Variants in KCNK10 observed in about 807,000 individuals in gnomAD.
KCNK10 encodes potassium channel subfamily K member 10.
KCNK10 carries 25 observed loss-of-function variants against 47.7 expected under a neutral mutation model. That is an observed-to-expected ratio of 0.52 (90% CI 0.38 to 0.73). KCNK10 has a LOEUF of 0.73. KCNK10 is among the 30% of genes least tolerant of loss of function. The probability of loss-of-function intolerance (pLI) is 0.00; values close to 1 mark genes in which losing one functional copy is unlikely to be tolerated. For synonymous variants in KCNK10, 303 were observed against 285.6 expected, an observed-to-expected ratio of 1.06 and a Z score of -0.61; for missense variants, 563 against 714.5, an observed-to-expected ratio of 0.79 and a Z score of 2.42.
chr14:88,272,006 G>A (rs72691982), intron 1 of KCNK10, among the ~76,000 whole-genome samples: 8 of 151,404 alleles, frequency 5.3e-5, no homozygotes, highest in Non-Finnish European at 1.2e-4. Context: ...AGAGGAAGCA[G>A]GGGGAAGGTT....
At chr14:88,239,267 C>T (rs982157531) in intron 3 of KCNK10, among the ~76,000 whole-genome samples, 1 of 150,906 alleles carries the variant, frequency 6.6e-6, no homozygotes, top group Admixed American at 6.6e-5. Flanking sequence ...AAGTGAGATA[C>T]AACTTATATA....
At chr14:88,231,379 G>T (rs907989278) in intron 3 of KCNK10, among the ~76,000 whole-genome samples, 12 of 152,156 alleles carry the variant, frequency 7.9e-5, no homozygotes, top group Admixed American at 5.9e-4. Flanking sequence ...CTTAAATGAG[G>T]CTGCCAGGCT....
At chr14:88,195,408 T>G (rs1884879461) in intron 4 of KCNK10, among the ~76,000 whole-genome samples, 1 of 152,236 alleles carries the variant, frequency 6.6e-6, no homozygotes, top group East Asian at 1.9e-4. Context: ...AACAGGCCAT[T>G]TTAATGTAAA....
chr14:88,235,021 C>T (rs1235649530), intron 3 of KCNK10: 1 of 446,306 alleles, frequency 2.2e-6, no homozygotes, highest in Admixed American at 2.4e-5. Flanking sequence ...AGAGATGTCC[C>T]TGTTTTTACC....
At chr14:88,213,948 ATTATTATTG>A (rs1252538789) in intron 4 of KCNK10, among the ~76,000 whole-genome samples, 4 of 146,028 alleles carry the variant, frequency 2.7e-5, no homozygotes, top group African/African-American at 1.0e-4. Context: ...TATTATTATT[ATTATTATTG>A]AGACAGAGTT....
intron 1 of KCNK10, among the ~76,000 whole-genome samples, chr14:88,292,543 G>C (rs994937353): frequency 6.6e-6 from 1 of 152,174 alleles, no homozygotes; most frequent in East Asian, 1.9e-4. Context: ...TAGAGACGGG[G>C]TTTTACCATT....
At chr14:88,257,845 G>C (rs867235102) in intron 2 of KCNK10, among the ~76,000 whole-genome samples, 34 of 152,094 alleles carry the variant, frequency 2.2e-4, no homozygotes, top group African/African-American at 8.2e-4. Context: ...TGGCTTACAT[G>C]CCTCTTCCTC....
Position 88,300,171 on chromosome 14 carries a change from C to T in KCNK10, c.52+22576G>A, listed in dbSNP as rs1280620170. Among the ~76,000 whole-genome samples the T allele has an allele frequency of 2.0e-5, 3 of 152,286 alleles. 1 individual carries two copies. The East Asian group carries it at 5.8e-4, about 29-fold the overall frequency. ...CTTTCTATCCCTTGAGCAAAACTTG[C>T]AAATATGCACCATCTTACCAGTGCT... On this transcript the variant is annotated intron_variant, in intron 1 of 6. Transcript: ENST00000319231.
intron 3 of KCNK10, among the ~76,000 whole-genome samples, chr14:88,238,428 T>C (rs1886357413): frequency 6.6e-6 from 1 of 152,226 alleles, no homozygotes; most frequent in African/African-American, 2.4e-5. Context: ...TCCAGCACTT[T>C]GGGAGGCCAA....
At chr14:88,187,037 C>G (rs454401) in intron 6 of KCNK10, among the ~76,000 whole-genome samples, 88,331 of 152,084 alleles carry the variant, frequency 0.58, 26,140 homozygotes, top group Non-Finnish European at 0.64. Context: ...ATGTTGTTCC[C>G]TTCTCTTTTG....
At chr14:88,278,188 T>G (rs975835776) in intron 1 of KCNK10, among the ~76,000 whole-genome samples, 3 of 152,078 alleles carry the variant, frequency 2.0e-5, no homozygotes, top group Non-Finnish European at 4.4e-5. Context: ...ACCCAAAATC[T>G]CAGAGAGCAA....
chr14:88,199,184 T>C (rs540802055), intron 4 of KCNK10, among the ~76,000 whole-genome samples: 1 of 152,226 alleles, frequency 6.6e-6, no homozygotes, highest in African/African-American at 2.4e-5. Context: ...TCTGCCAAAG[T>C]GCTGGGATTA....
chr14:88,216,044 A>G (rs763828833), intron 4 of KCNK10, among the ~76,000 whole-genome samples: 1 of 152,190 alleles, frequency 6.6e-6, no homozygotes, highest in Admixed American at 6.5e-5. Context: ...TAGTGCTGAG[A>G]TGGTTTGCCT....
chr14:88,279,132 G>A (rs1887590206), intron 1 of KCNK10, among the ~76,000 whole-genome samples: 1 of 152,156 alleles, frequency 6.6e-6, no homozygotes, highest in East Asian at 1.9e-4. Context: ...GTTATCAACA[G>A]CTGCTAATTT....
chr14:88,202,795 G>C (rs1358342864), intron 4 of KCNK10, among the ~76,000 whole-genome samples: 2 of 152,080 alleles, frequency 1.3e-5, no homozygotes, highest in Admixed American at 6.5e-5. Flanking sequence ...GGTTGCGGGG[G>C]GTGGGTGGTG....
chr14:88,225,471 A>G (rs940745875), intron 4 of KCNK10, among the ~76,000 whole-genome samples: 3 of 152,214 alleles, frequency 2.0e-5, no homozygotes, highest in Non-Finnish European at 4.4e-5. Context: ...CGCAGCTTCA[A>G]GGGGAAGGAG....
At chr14:88,278,530 A>G (rs956563280) in intron 1 of KCNK10, among the ~76,000 whole-genome samples, 1 of 152,222 alleles carries the variant, frequency 6.6e-6, no homozygotes, top group Non-Finnish European at 1.5e-5. Flanking sequence ...TACCACATGC[A>G]AGCTTGCCAT....
intron 1 of KCNK10, among the ~76,000 whole-genome samples, chr14:88,313,625 G>A (rs1888371378): frequency 6.6e-6 from 1 of 152,092 alleles, no homozygotes; most frequent in South Asian, 2.1e-4. Context: ...CACCAGCTTG[G>A]AAACAGATCC....
At chr14:88,224,024 A>G (rs1210340394) in intron 4 of KCNK10, among the ~76,000 whole-genome samples, 1 of 152,046 alleles carries the variant, frequency 6.6e-6, no homozygotes, top group Admixed American at 6.5e-5. Flanking sequence ...CCACTTAAAA[A>G]AAAAAAAAAA....
Sources: gnomAD v4.1 joint callset for allele counts (sites outside exome capture counted in the v4.1 genomes callset) on GRCh38, gnomAD v4.1.1 for gene constraint, MANE v1.5 for transcripts, NCBI Gene and HGNC (gene_info 2026-07-23, HGNC 2026-07-21) for gene names.